Variants in SH3RF2 observed in about 807,000 individuals in gnomAD.
SH3RF2 encodes SH3 domain containing ring finger 2.
In SH3RF2, 43 loss-of-function variants were observed where a neutral mutation model predicts 59.0. That is an observed-to-expected ratio of 0.73 (90% CI 0.57 to 0.94). The LOEUF is 0.94. Ranked by LOEUF, SH3RF2 falls within the 40% of genes least tolerant of loss-of-function variation. SH3RF2 has a pLI of 0.00. For missense variants in SH3RF2, 930 were observed against 940.1 expected (o/e 0.99, Z 0.14); for synonymous variants, 391 against 391.5 (o/e 1.00, Z 0.01).
chr5:145,950,235 A>G (rs967249643), intron 2 of SH3RF2, among the ~76,000 whole-genome samples: 2 of 152,208 alleles, frequency 1.3e-5, no homozygotes, highest in Non-Finnish European at 2.9e-5. Flanking sequence ...CAGGAAGTGC[A>G]GAGTCAGAAC....
At chr5:145,988,098 C>T (rs183316306) in intron 2 of SH3RF2, among the ~76,000 whole-genome samples, 3 of 152,308 alleles carry the variant, frequency 2.0e-5, no homozygotes, top group East Asian at 1.9e-4. Flanking sequence ...TTCCATAAAG[C>T]TTCCAGTTGT....
At chr5:145,953,539 C>G (rs988047361) in intron 2 of SH3RF2, among the ~76,000 whole-genome samples, 4 of 152,118 alleles carry the variant, frequency 2.6e-5, no homozygotes, top group African/African-American at 9.7e-5. Context: ...ATACCTGAGA[C>G]TGGGTAATTT....
chr5:146,064,640 GAGAA>G (rs1330180472), downstream of SH3RF2, among the ~76,000 whole-genome samples: 12 of 40,384 alleles, frequency 3.0e-4, 1 homozygote, highest in Admixed American at 1.6e-3. Context: ...GAGAGAGAGA[GAGAA>G]AGAAAGAGAG....
chr5:145,982,412 G>A (rs557084670), intron 2 of SH3RF2, among the ~76,000 whole-genome samples: 5 of 152,280 alleles, frequency 3.3e-5, no homozygotes, highest in South Asian at 2.1e-4. Flanking sequence ...TGGCAAAGCC[G>A]AGGATCCATG....
intron 5 of SH3RF2, among the ~76,000 whole-genome samples, chr5:146,039,430 G>A (rs11747459): frequency 0.28 from 43,034 of 151,670 alleles, 7,728 homozygotes; most frequent in Non-Finnish European, 0.39. Context: ...ATGGAAGAGC[G>A]GGATACGAAG....
intron 8 of SH3RF2, among the ~76,000 whole-genome samples, chr5:146,057,966 CTCTATCTATCTA>C (rs1554120846): frequency 2.7e-5 from 2 of 72,926 alleles, no homozygotes; most frequent in African/African-American, 7.8e-5. Flanking sequence ...CTCTCTCTCT[CTCTATCTATCTA>C]TCTATCTATA....
downstream of SH3RF2, among the ~76,000 whole-genome samples, chr5:146,067,126 C>G (rs1699614837): frequency 6.6e-6 from 1 of 152,110 alleles, no homozygotes; most frequent in Non-Finnish European, 1.5e-5. Context: ...TCACCCATCC[C>G]ACAGACAGGG....
intron 5 of SH3RF2, among the ~76,000 whole-genome samples, chr5:146,032,269 C>G (rs1465345645): frequency 6.6e-6 from 1 of 152,156 alleles, no homozygotes; most frequent in Non-Finnish European, 1.5e-5. Context: ...AAACCAACCT[C>G]TTGAACCAGC....
At chr5:146,059,660 CAG>C (rs1762814181) in intron 8 of SH3RF2, among the ~76,000 whole-genome samples, 1 of 152,038 alleles carries the variant, frequency 6.6e-6, no homozygotes, top group African/African-American at 2.4e-5. Flanking sequence ...ACCATTCAGC[CAG>C]AGAGATATTT....
chr5:146,049,147 G>T lies in SH3RF2; in HGVS notation c.1224G>T (p.Arg408Ser). 1 of 1,614,118 alleles carries T rather than the reference G, an allele frequency of 6.2e-7. No homozygotes were observed. The highest frequency in any genetic ancestry group is 8.5e-7 in the Non-Finnish European group (1 of 1,180,012). The change falls in exon 7 of 10, where the codon AGG (arginine) becomes AGT (serine). Residue 408 changes from arginine to serine, a missense_variant. Transcript: ENST00000359120. ...ELDLQKGEGVRVLGKCQDGWL... is the reference protein window; with the variant it reads ...ELDLQKGEGVSVLGKCQDGWL... ...ACCTGCAAAAGGGAGAAGGCGTCAG[G>T]GTCCTGGGGAAGTGCCAGGACGGCT...
chr5:146,075,778 TAAAAAAAAAAA>T (rs56300547), intron 9 of SH3RF2, among the ~76,000 whole-genome samples: 22 of 76,976 alleles, frequency 2.9e-4, no homozygotes, highest in East Asian at 2.2e-3. Flanking sequence ...AAATTCCATG[TAAAAAAAAAAA>T]AAAAAAAAAA....
intron 2 of SH3RF2, among the ~76,000 whole-genome samples, chr5:145,974,452 A>G (rs1159187672): frequency 6.6e-6 from 1 of 152,192 alleles, no homozygotes; most frequent in Admixed American, 6.5e-5. Flanking sequence ...AAAGATGGAT[A>G]GGAAAGGAAG....
chr5:146,046,481 CTG>C (rs1762309309), intron 5 of SH3RF2, among the ~76,000 whole-genome samples: 1 of 152,186 alleles, frequency 6.6e-6, no homozygotes, highest in Non-Finnish European at 1.5e-5. Context: ...TGAAAACAGA[CTG>C]AATGTATTTA....
intron 3 of SH3RF2, among the ~76,000 whole-genome samples, chr5:146,000,584 T>C (rs1580839720): frequency 6.6e-6 from 1 of 152,230 alleles, no homozygotes; most frequent in South Asian, 2.1e-4. Flanking sequence ...GAATAAGTGA[T>C]AGAAGTCTGT....
chr5:146,078,018 G>A (rs1763368806), intron 9 of SH3RF2, among the ~76,000 whole-genome samples: 1 of 152,126 alleles, frequency 6.6e-6, no homozygotes, highest in Non-Finnish European at 1.5e-5. Flanking sequence ...ATAAATAAAT[G>A]TAGGAGAAGG....
intron 9 of SH3RF2, among the ~76,000 whole-genome samples, chr5:146,069,476 C>G (rs561749977): frequency 7.7e-6 from 1 of 129,802 alleles, no homozygotes; most frequent in Non-Finnish European, 1.6e-5. Context: ...GAATCTGAAA[C>G]TGAAATGAGA....
chr5:146,042,775 G>A (rs559743995), intron 5 of SH3RF2, among the ~76,000 whole-genome samples: 2 of 152,320 alleles, frequency 1.3e-5, no homozygotes, highest in South Asian at 4.1e-4. Flanking sequence ...TGCTGTGGTT[G>A]ATAAAGACTT....
chr5:145,959,093 A>G (rs940332126), intron 2 of SH3RF2, among the ~76,000 whole-genome samples: 3 of 152,182 alleles, frequency 2.0e-5, no homozygotes, highest in African/African-American at 7.2e-5. Context: ...AATGTCTCCA[A>G]AAGGTAACAT....
At chr5:145,974,005 T>G (rs929012777) in intron 2 of SH3RF2, among the ~76,000 whole-genome samples, 2 of 152,222 alleles carry the variant, frequency 1.3e-5, no homozygotes, top group African/African-American at 4.8e-5. Flanking sequence ...CCCAGCTGAA[T>G]CCTCTGCCAT....
Sources: allele counts gnomAD v4.1 joint callset (sites outside exome capture counted in the v4.1 genomes callset), GRCh38; gene constraint gnomAD v4.1.1; transcripts MANE v1.5; gene names NCBI Gene and HGNC (gene_info 2026-07-23, HGNC 2026-07-21).